The following ROS1 variants were observed in gnomAD, a reference collection of about 807,000 sequenced individuals.
ROS1 encodes the protein proto-oncogene tyrosine-protein kinase ROS.
ROS1 carries 263 observed loss-of-function variants against 273.5 expected under a neutral mutation model. That is an observed-to-expected ratio of 0.96 (90% CI 0.87 to 1.06). ROS1 has a LOEUF of 1.06. Ranked by LOEUF, ROS1 falls within the 50% of genes least tolerant of loss-of-function variation. ROS1 has a pLI of 0.00. For synonymous variants in ROS1, 1,008 were observed against 954.1 expected (o/e 1.06, Z -1.04); for missense variants, 2,833 against 2,751.1 (o/e 1.03, Z -0.67).
chr6:117,394,295 A>G lies in ROS1; in HGVS notation c.1058T>C (p.Leu353Pro). ...GTTGGCAGCCTTCTTCGCCCATATG[A>G]GAGTTCCTTCAGAGAAATAAACAAT... ...QQIVYFSEGT[L>P]IWAKKAANMS... The change falls in exon 11 of 44, where the codon CTC becomes CCC. Residue 353 changes from leucine (L) to proline (P), a missense_variant. Leu to Pro is a moderately conservative substitution (Grantham distance 98). Transcript: ENST00000368507. The G allele has an allele frequency of 6.2e-7, 1 of 1,609,212 alleles. No individual in the cohort carries two copies. The highest frequency in any genetic ancestry group is 8.5e-7 in the Non-Finnish European group (1 of 1,178,696).
intron 5 of ROS1, among the ~76,000 whole-genome samples, chr6:117,404,802 C>T (rs1447170431): frequency 6.6e-6 from 1 of 152,210 alleles, no homozygotes; most frequent in Non-Finnish European, 1.5e-5. Flanking sequence ...CATCCATTAT[C>T]CTGGGATGTG....
chr6:117,328,749 C>T (rs1035334008), intron 33 of ROS1: 2 of 613,688 alleles, frequency 3.3e-6, no homozygotes, highest in Non-Finnish European at 6.5e-6. Context: ...ACGTGCTCCC[C>T]GTACTGGCCA....
chr6:117,366,975 G>T (rs187032896), intron 18 of ROS1, among the ~76,000 whole-genome samples: 1 of 152,114 alleles, frequency 6.6e-6, no homozygotes, highest in Non-Finnish European at 1.5e-5. Context: ...TTTATTCTAT[G>T]TGCTCCTACA....
At chr6:117,319,219 T>C (rs1776115712) in intron 37 of ROS1, among the ~76,000 whole-genome samples, 1 of 152,142 alleles carries the variant, frequency 6.6e-6, no homozygotes. Flanking sequence ...ACATTAAGTA[T>C]ACTATGATAA....
At chr6:117,301,220 A>C (rs1774699511) in intron 42 of ROS1, 83 bp from the exon 43 acceptor site, 2 of 1,200,340 alleles carry the variant, frequency 1.7e-6, no homozygotes, top group Admixed American at 2.8e-5. Flanking sequence ...TTTAGAAAGG[A>C]AAGAATCTGA....
intron 7 of ROS1, among the ~76,000 whole-genome samples, chr6:117,400,230 T>G (rs1012406962): frequency 2.0e-5 from 3 of 152,238 alleles, no homozygotes; most frequent in African/African-American, 7.2e-5. Context: ...CCAAAGAGAT[T>G]TATTTGATAT....
chr6:117,403,282 A>G lies in ROS1; in HGVS notation c.466-5T>C. 6.2e-7 allele frequency: 1 copy of G among 1,610,856 alleles called. No homozygotes were observed. The highest frequency in any genetic ancestry group is 8.5e-7 in the Non-Finnish European group (1 of 1,179,284). The stretch of plus-strand genomic sequence containing the variant: ...ATAGGACGGTCTGGACACAGTCTAG[A>G]TCAAGGAGTGATCAATCATCAGCAT... On this transcript the variant is annotated splice_region_variant and splice_polypyrimidine_tract_variant and intron_variant, in intron 6 of 43. Coordinates refer to ENST00000368507, the MANE Select transcript of ROS1 (RefSeq NM_001378902.1).
chr6:117,418,384 G>T, intron 2 of ROS1, 78 bp downstream of exon 2: 1 of 987,374 alleles, frequency 1.0e-6, no homozygotes, highest in Non-Finnish European at 1.5e-6. Flanking sequence ...AATTCTTACT[G>T]TGATAAAATC....
chr6:117,406,639 T>C (rs1345062210), intron 5 of ROS1, among the ~76,000 whole-genome samples: 1 of 149,202 alleles, frequency 6.7e-6, no homozygotes, highest in Non-Finnish European at 1.5e-5. Context: ...TCAGTTCTGG[T>C]GTCCTTAGTT....
chr6:117,387,367 T>C (rs575727224), intron 14 of ROS1, among the ~76,000 whole-genome samples: 1 of 152,342 alleles, frequency 6.6e-6, no homozygotes, highest in South Asian at 2.1e-4. Context: ...GTAATATGAA[T>C]GGTATAGTCA....
Position 117,326,408 on chromosome 6 carries a change from GCTCTTTCTGC to G in ROS1, c.5349-4_5354del. 6.6e-7 allele frequency: 1 copy of G among 1,522,148 alleles called. No individual in the cohort carries two copies. The highest frequency in any genetic ancestry group is 2.4e-5 in the Admixed American group (1 of 41,278). 94.3% of individuals were successfully genotyped at this position (1,522,148 alleles called of 1,614,324 possible). A position where few individuals can be genotyped will look rare whatever the true frequency, so the allele number is the denominator to read the frequency against. On this transcript the variant is annotated splice_acceptor_variant and splice_polypyrimidine_tract_variant and coding_sequence_variant and intron_variant, in exon 34 of 44. Coordinates refer to ENST00000368507, the MANE Select transcript of ROS1 (RefSeq NM_001378902.1). LOFTEE classifies it high-confidence loss of function. The stretch of plus-strand genomic sequence containing the variant: ...TCTGGTTCTGTAAATTATTTGAAGT[GCTCTTTCTGC>G]AAAAAATAATAAATACAGAAAATAT...
At chr6:117,373,483 C>T (rs890868342) in intron 18 of ROS1, among the ~76,000 whole-genome samples, 3 of 152,248 alleles carry the variant, frequency 2.0e-5, no homozygotes, top group Non-Finnish European at 2.9e-5. Context: ...GGCAGGCCAG[C>T]AGTGCTGGGG....
chr6:117,305,250 CA>C (rs1159618872), intron 42 of ROS1, among the ~76,000 whole-genome samples: 1 of 151,668 alleles, frequency 6.6e-6, no homozygotes. Flanking sequence ...CTTTATTCTG[CA>C]AAAAAATCAA....
intron 7 of ROS1, among the ~76,000 whole-genome samples, chr6:117,402,706 G>A (rs1390916967): frequency 6.6e-6 from 1 of 152,022 alleles, no homozygotes. Flanking sequence ...TGGCCAGCAT[G>A]GTGAAACCCC....
At chr6:117,295,822 T>C (rs1247696324) in intron 43 of ROS1, among the ~76,000 whole-genome samples, 1 of 152,146 alleles carries the variant, frequency 6.6e-6, no homozygotes, top group African/African-American at 2.4e-5. Context: ...ATGGCTTACA[T>C]TGAAAAGACA....
At chr6:117,423,647 C>A (rs1173112618) in intron 1 of ROS1, among the ~76,000 whole-genome samples, 1 of 151,536 alleles carries the variant, frequency 6.6e-6, no homozygotes, top group Non-Finnish European at 1.5e-5. Flanking sequence ...CTGCTTCGTG[C>A]AATTTGGCCC....
chr6:117,325,524 G>T (rs1005614230), intron 34 of ROS1, among the ~76,000 whole-genome samples: 1 of 152,188 alleles, frequency 6.6e-6, no homozygotes, highest in Non-Finnish European at 1.5e-5. Context: ...GCAGTAAATG[G>T]AGAGCCATTG....
chr6:117,329,086 T>C (rs1776860409), intron 33 of ROS1, among the ~76,000 whole-genome samples: 2 of 152,208 alleles, frequency 1.3e-5, no homozygotes. Flanking sequence ...GATCAAACAA[T>C]TTCCATAAAG....
intron 42 of ROS1, 35 bp from the exon 43 acceptor site, chr6:117,301,172 C>A (rs756180413): frequency 6.6e-7 from 1 of 1,522,224 alleles, no homozygotes; most frequent in Admixed American, 2.3e-5. Context: ...AAGTAAATAG[C>A]AATTGGATAT....
Sources: gnomAD v4.1 joint callset for allele counts (sites outside exome capture counted in the v4.1 genomes callset) on GRCh38, gnomAD v4.1.1 for gene constraint, MANE v1.5 for transcripts, NCBI Gene and HGNC (gene_info 2026-07-23, HGNC 2026-07-21) for gene names.